SGCZ: variants seen among roughly 807,000 people sequenced by gnomAD.
SGCZ encodes sarcoglycan zeta, also known as zeta-sarcoglycan.
SGCZ carries 40 observed loss-of-function variants against 41.3 expected under a neutral mutation model. That is an observed-to-expected ratio of 0.97 (90% CI 0.75 to 1.26). The LOEUF is 1.26. Ranked by LOEUF, SGCZ falls within the 50% of genes most tolerant of loss-of-function variation. SGCZ has a pLI of 0.00. For missense variants in SGCZ, 552 were observed against 369.8 expected (o/e 1.49, Z -4.04); for synonymous variants, 206 against 137.5 (o/e 1.50, Z -3.49).
At chr8:15,172,152 C>CGGTT (rs1322884184) in intron 1 of SGCZ, among the ~76,000 whole-genome samples, 4,349 of 69,320 alleles carry the variant, frequency 0.063, 427 homozygotes, top group African/African-American at 0.095. Flanking sequence ...CTTTTATACT[C>CGGTT]TGTTTTTTTT....
chr8:14,973,726 GA>G (rs1441425241), intron 1 of SGCZ, among the ~76,000 whole-genome samples: 1 of 152,128 alleles, frequency 6.6e-6, no homozygotes, highest in African/African-American at 2.4e-5. Context: ...AAGTTGCTGA[GA>G]CATTTGATAA....
intron 2 of SGCZ, among the ~76,000 whole-genome samples, chr8:14,526,283 T>C: frequency 6.6e-6 from 1 of 152,090 alleles, no homozygotes; most frequent in East Asian, 1.9e-4. Context: ...ATGTTATGCC[T>C]CTTGTCTATT....
At chr8:14,306,223 C>T (rs762896839) in intron 3 of SGCZ, among the ~76,000 whole-genome samples, 1 of 152,106 alleles carries the variant, frequency 6.6e-6, no homozygotes, top group African/African-American at 2.4e-5. Context: ...TTACAAATCT[C>T]ACCATGATTA....
At chr8:14,700,146 A>G (rs527454268) in intron 1 of SGCZ, among the ~76,000 whole-genome samples, 1 of 152,104 alleles carries the variant, frequency 6.6e-6, no homozygotes, top group East Asian at 1.9e-4. Flanking sequence ...CCAAAAAGAT[A>G]CATGCACTAG....
chr8:14,262,401 G>C (rs536304616), intron 3 of SGCZ, among the ~76,000 whole-genome samples: 7 of 152,080 alleles, frequency 4.6e-5, no homozygotes, highest in Admixed American at 4.6e-4. Context: ...GTATACACTG[G>C]CCATAGAGAT....
At chr8:14,204,442 C>T (rs1351927353) in intron 4 of SGCZ, among the ~76,000 whole-genome samples, 1 of 152,094 alleles carries the variant, frequency 6.6e-6, no homozygotes, top group Non-Finnish European at 1.5e-5. Context: ...TGAGTCCTTC[C>T]TAAGTCTTCC....
At chr8:14,830,032 G>C (rs542603272) in intron 1 of SGCZ, among the ~76,000 whole-genome samples, 2 of 152,116 alleles carry the variant, frequency 1.3e-5, no homozygotes, top group East Asian at 3.9e-4. Context: ...CAGGGGTCTC[G>C]ATCGCCTGAC....
chr8:15,210,087 T>C (rs1395739330), intron 1 of SGCZ, among the ~76,000 whole-genome samples: 1 of 152,192 alleles, frequency 6.6e-6, no homozygotes, highest in African/African-American at 2.4e-5. Context: ...CATTATTTTA[T>C]GATTCTAAGA....
chr8:14,940,749 A>ATG (rs140834317), intron 1 of SGCZ, among the ~76,000 whole-genome samples: 1 of 151,680 alleles, frequency 6.6e-6, no homozygotes, highest in Admixed American at 6.6e-5. Flanking sequence ...TGAAGTGTGT[A>ATG]TGTGTGTGTG....
chr8:14,716,744 T>C (rs552739168), intron 1 of SGCZ, among the ~76,000 whole-genome samples: 6 of 152,118 alleles, frequency 3.9e-5, no homozygotes, highest in Admixed American at 1.3e-4. Flanking sequence ...AACAAAGCAT[T>C]GTATTTTTGA....
chr8:14,519,328 A>T (rs1802718767), intron 2 of SGCZ, among the ~76,000 whole-genome samples: 1 of 152,142 alleles, frequency 6.6e-6, no homozygotes, highest in Non-Finnish European at 1.5e-5. Context: ...GAAGTGATAA[A>T]ATACATGCCA....
chr8:14,987,174 C>A (rs1025243486), intron 1 of SGCZ, among the ~76,000 whole-genome samples: 4 of 151,776 alleles, frequency 2.6e-5, no homozygotes, highest in Admixed American at 1.3e-4. Context: ...CTGAAGTTAT[C>A]TTTTTGCATA....
At chr8:14,476,739 G>A (rs1020310848) in intron 2 of SGCZ, among the ~76,000 whole-genome samples, 2 of 152,118 alleles carry the variant, frequency 1.3e-5, no homozygotes, top group African/African-American at 4.8e-5. Context: ...CATACTTTCA[G>A]ATGACATGAT....
intron 3 of SGCZ, among the ~76,000 whole-genome samples, chr8:14,286,121 A>G (rs1800618024): frequency 6.6e-6 from 1 of 151,654 alleles, no homozygotes; most frequent in South Asian, 2.1e-4. Context: ...TTCCCATATT[A>G]AAGCTTATGC....
intron 2 of SGCZ, among the ~76,000 whole-genome samples, chr8:14,381,007 A>G (rs1352727532): frequency 6.6e-6 from 1 of 152,214 alleles, no homozygotes; most frequent in Admixed American, 6.5e-5. Flanking sequence ...TTTCCTGCAC[A>G]TACAGTTATT....
At chr8:15,032,632 T>TCTATGCTG (rs1226603941) in intron 1 of SGCZ, among the ~76,000 whole-genome samples, 1 of 152,056 alleles carries the variant, frequency 6.6e-6, no homozygotes, top group Non-Finnish European at 1.5e-5. Context: ...AACTCCAGGC[T>TCTATGCTG]CTATGCTGCC....
At chr8:14,143,931 C>T (rs1274039834) in intron 5 of SGCZ, among the ~76,000 whole-genome samples, 2 of 152,148 alleles carry the variant, frequency 1.3e-5, no homozygotes, top group Non-Finnish European at 2.9e-5. Flanking sequence ...TGATGCCCAT[C>T]CACAGGGGAA....
intron 2 of SGCZ, among the ~76,000 whole-genome samples, chr8:14,437,725 T>C (rs2117357326): frequency 6.6e-6 from 1 of 151,956 alleles, no homozygotes; most frequent in South Asian, 2.1e-4. Context: ...TTATATTTCA[T>C]ATAATATTGT....
At chr8:14,355,158 C>T (rs1343398105) in intron 2 of SGCZ, among the ~76,000 whole-genome samples, 1 of 151,892 alleles carries the variant, frequency 6.6e-6, no homozygotes, top group Non-Finnish European at 1.5e-5. Context: ...TTTGTTCATT[C>T]CCAAAGTGTT....
Sources: allele counts gnomAD v4.1 joint callset (sites outside exome capture counted in the v4.1 genomes callset), GRCh38; gene constraint gnomAD v4.1.1; transcripts MANE v1.5; gene names NCBI Gene and HGNC (gene_info 2026-07-23, HGNC 2026-07-21).